The following A2ML1 variants were observed in gnomAD, a reference collection of about 807,000 sequenced individuals.
A2ML1 encodes alpha-2-macroglobulin like 1.
In A2ML1, 161 loss-of-function variants were observed where a neutral mutation model predicts 181.9. The ratio of observed to expected loss-of-function variants is 0.89; its 90% CI spans 0.78 to 1.01. The LOEUF (loss-of-function observed/expected upper bound fraction) is 1.01, where lower values mean the gene tolerates loss of function less well. A2ML1 is among the 50% of genes least tolerant of loss of function. The pLI, the probability that A2ML1 is intolerant of heterozygous loss-of-function variation, is 0.00. For synonymous variants in A2ML1, 663 were observed against 666.8 expected, an observed-to-expected ratio of 0.99 and a Z score of 0.09; for missense variants, 1,670 against 1,768.1, an observed-to-expected ratio of 0.94 and a Z score of 1.00.
chr12:8,853,377 T>C (rs764933126), intron 20 of A2ML1, among the ~76,000 whole-genome samples: 67 of 152,360 alleles, frequency 4.4e-4, no homozygotes, highest in African/African-American at 1.5e-3. Context: ...TTTTCATATG[T>C]ATGAGTTATC....
At chr12:8,887,168 C>CAA (rs144347238), downstream of A2ML1, among the ~76,000 whole-genome samples, 11,925 of 150,156 alleles carry the variant, frequency 0.079, 548 homozygotes, top group Non-Finnish European at 0.11. Context: ...CAAAACGAAA[C>CAA]AAAAAAAACA....
chr12:8,853,831 C>G (rs956512748), intron 20 of A2ML1, among the ~76,000 whole-genome samples: 1 of 152,158 alleles, frequency 6.6e-6, no homozygotes, highest in Non-Finnish European at 1.5e-5. Flanking sequence ...TCACCCTGTT[C>G]TCTTTAACAG....
intron 11 of A2ML1, 136 bp downstream of exon 11, chr12:8,841,672 A>C: frequency 1.1e-6 from 1 of 894,844 alleles, no homozygotes; most frequent in Non-Finnish European, 1.6e-6. Flanking sequence ...TCTCCCGTTG[A>C]CAAAAAGTTT....
rs10734735 is a variant in A2ML1 at position 8,854,435 on chromosome 12, C to G, written c.2712+186C>G. Among the ~76,000 whole-genome samples, 68,054 of 152,004 alleles carry G rather than the reference C, an allele frequency of 0.45. 15,864 individuals carry two copies. Among genetic ancestry groups the G allele is most frequent in the East Asian group, 0.76 (3,962 of 5,182 alleles). On this transcript the variant is annotated intron_variant, in intron 21 of 35. Transcript: ENST00000299698. Reference sequence around the variant, plus strand: ...ACGGCCTATGAAAGCACCTAAAACCCGGCACCTCATAGGCACTCAACAAAT... The same window carrying G: ...ACGGCCTATGAAAGCACCTAAAACCGGGCACCTCATAGGCACTCAACAAAT...
intron 18 of A2ML1, 62 bp downstream of exon 18, chr12:8,850,336 AC>A: frequency 4.5e-6 from 6 of 1,328,374 alleles, no homozygotes; most frequent in South Asian, 1.4e-5. Flanking sequence ...TGTAATCCCA[AC>A]ACTTTGGGAG....
chr12:8,871,442 G>A (rs1944618402), intron 33 of A2ML1, among the ~76,000 whole-genome samples: 1 of 152,056 alleles, frequency 6.6e-6, no homozygotes, highest in Non-Finnish European at 1.5e-5. Flanking sequence ...AAAAGCATGT[G>A]TTAAAATATC....
chr12:8,868,416 G>C, intron 31 of A2ML1, 59 bp downstream of exon 31: 1 of 1,602,024 alleles, frequency 6.2e-7, no homozygotes, highest in Non-Finnish European at 8.5e-7. Context: ...AGCTGAGCTG[G>C]GACACTTGTG....
At chr12:8,828,668 A>G (rs1943009929) in intron 3 of A2ML1, among the ~76,000 whole-genome samples, 1 of 152,076 alleles carries the variant, frequency 6.6e-6, no homozygotes, top group African/African-American at 2.4e-5. Context: ...TCTCAAGTAG[A>G]AGGAGTCTCT....
Position 8,839,189 on chromosome 12 carries a change from T to C in A2ML1, c.1047T>C (p.Asn349=), listed in dbSNP as rs1248117477. The C allele has an allele frequency of 1.2e-6, 2 of 1,613,524 alleles. No homozygotes were observed. The highest frequency in any genetic ancestry group is 1.7e-6 in the Non-Finnish European group (2 of 1,179,680). ...CAATGACCTTTGAAGACACCAGCAA[T>C]TTTTACCATCCAAATTTCCCCTTCA... ...MGSMTFEDTS[N]FYHPNFPFSG... Residue 349 remains asparagine, a synonymous_variant, in exon 10 of 36, where the codon AAT becomes AAC. Coordinates refer to ENST00000299698, the MANE Select transcript of A2ML1 (RefSeq NM_144670.6).
rs749728019 is a variant in A2ML1 at position 8,841,477 on chromosome 12, G to T, written c.1189G>T (p.Gly397Cys). 1 of 1,613,960 alleles carries T rather than the reference G, an allele frequency of 6.2e-7. No individual in the cohort carries two copies. Among genetic ancestry groups the T allele is most frequent in the Non-Finnish European group, 8.5e-7 (1 of 1,180,030 alleles). Residue 397 changes from glycine to cysteine, a missense_variant, in exon 11 of 36, where the codon GGC (glycine) becomes TGC (cysteine). Coordinates refer to ENST00000299698, the MANE Select transcript of A2ML1 (RefSeq NM_144670.6). ...FNQTLVTDNN[G>C]LAPFTLETSG... ...CCAGACCCTGGTTACTGATAACAAT[G>T]GCCTAGCTCCCTTTACCTTGGAGAC...
chr12:8,823,672 G>A (rs1942823310), intron 2 of A2ML1, 48 bp from the exon 3 acceptor site: 1 of 1,583,204 alleles, frequency 6.3e-7, no homozygotes, highest in Non-Finnish European at 8.6e-7. Flanking sequence ...AGTTGATTCT[G>A]TTCCCCCAAT....
chr12:8,857,433 C>CTCACTGCAACCTCTGCCT, intron 24 of A2ML1, 74 bp from the exon 25 acceptor site: 1 of 1,607,000 alleles, frequency 6.2e-7, no homozygotes, highest in African/African-American at 1.3e-5. Flanking sequence ...CCTCAAGTGT[C>CTCACTGCAACCTCTGCCT]CCATATCCTT....
chr12:8,867,422 C>T (rs962267531), intron 29 of A2ML1, among the ~76,000 whole-genome samples: 9 of 152,078 alleles, frequency 5.9e-5, no homozygotes, highest in African/African-American at 9.7e-5. Flanking sequence ...CCAAGGCAGC[C>T]GGACCACCTG....
At chr12:8,865,841 A>G (rs1265493062) in intron 29 of A2ML1, among the ~76,000 whole-genome samples, 2 of 152,226 alleles carry the variant, frequency 1.3e-5, no homozygotes, top group East Asian at 1.9e-4. Flanking sequence ...TTAAATATCT[A>G]CCATGTCCAA....
Position 8,836,804 on chromosome 12 carries a change from G to T in A2ML1, c.728+465G>T, listed in dbSNP as rs1298744236. Among the ~76,000 whole-genome samples, 3 of 151,938 alleles carry T rather than the reference G, an allele frequency of 2.0e-5. No individual in the cohort carries two copies. The East Asian group carries it at 5.8e-4, about 29-fold the overall frequency. On this transcript the variant is annotated intron_variant, in intron 7 of 35. Coordinates refer to ENST00000299698, the MANE Select transcript of A2ML1 (RefSeq NM_144670.6). ...AGCCAAGAACATATTTTATAGTTGTGTTTCTGCTGTTTTTTTCCATTGCTC... is the reference window on the plus strand; with the variant it reads ...AGCCAAGAACATATTTTATAGTTGTTTTTCTGCTGTTTTTTTCCATTGCTC...
chr12:8,824,467 A>G (rs1942862990), intron 3 of A2ML1, among the ~76,000 whole-genome samples: 1 of 151,942 alleles, frequency 6.6e-6, no homozygotes, highest in African/African-American at 2.4e-5. Flanking sequence ...CCATCACCTC[A>G]AGCATTTATC....
At chr12:8,866,171 G>A (rs186077808) in intron 29 of A2ML1, among the ~76,000 whole-genome samples, 1 of 151,878 alleles carries the variant, frequency 6.6e-6, no homozygotes, top group Non-Finnish European at 1.5e-5. Context: ...CGGGCACAGT[G>A]GTGGGCGCCT....
chr12:8,829,605 C>T (rs764743549), intron 3 of A2ML1, 122 bp from the exon 4 acceptor site: 32 of 911,720 alleles, frequency 3.5e-5, no homozygotes, highest in South Asian at 3.3e-4. Flanking sequence ...AAGTGAGCCA[C>T]GGTTGTGCCA....
chr12:8,868,074 G>A lies in A2ML1; in HGVS notation c.3933+17G>A, dbSNP rs1208939321. The stretch of plus-strand genomic sequence containing the variant: ...TATGTGCAGGTAAGTAGAGATCCAT[G>A]AGAATGAGCGGACATTGGGAAGGAG... On this transcript the variant is annotated intron_variant, in intron 30 of 35. Coordinates refer to ENST00000299698, the MANE Select transcript of A2ML1 (RefSeq NM_144670.6). 1 of 1,612,494 alleles carries A rather than the reference G, an allele frequency of 6.2e-7. No individual in the cohort carries two copies. The highest frequency in any genetic ancestry group is 1.3e-5 in the African/African-American group (1 of 75,046).
Sources: gnomAD v4.1 joint callset for allele counts (sites outside exome capture counted in the v4.1 genomes callset) on GRCh38, gnomAD v4.1.1 for gene constraint, MANE v1.5 for transcripts, NCBI Gene and HGNC (gene_info 2026-07-23, HGNC 2026-07-21) for gene names.